Variants in COL6A5 observed in about 807,000 individuals in gnomAD.
The protein encoded by COL6A5 is collagen type VI alpha 5 chain, also known as collagen alpha-5(VI) chain.
Under a neutral mutation model 65.6 loss-of-function variants are expected in COL6A5, and 48 were observed. That is an observed-to-expected ratio of 0.73 (90% CI 0.58 to 0.93). COL6A5 has a LOEUF of 0.93. Among genes scored for constraint, COL6A5 ranks in the 40% least tolerant of loss-of-function variants. The pLI is 0.00. For missense variants in COL6A5, 914 were observed against 928.3 expected, an observed-to-expected ratio of 0.98 and a Z score of 0.20; for synonymous variants, 291 against 322.8, an observed-to-expected ratio of 0.90 and a Z score of 1.05.
At chr3:130,407,194 G>A (rs560922584) in intron 17 of COL6A5, among the ~76,000 whole-genome samples, 1 of 152,244 alleles carries the variant, frequency 6.6e-6, no homozygotes, top group Admixed American at 6.5e-5. Flanking sequence ...AGTAGCATAA[G>A]CAAAAACATG....
chr3:130,467,227 A>G (rs1246863090), intron 5 of COL6A5, among the ~76,000 whole-genome samples: 2 of 151,968 alleles, frequency 1.3e-5, no homozygotes, highest in Non-Finnish European at 1.5e-5. Context: ...TGCGAATAAC[A>G]TGGTGGTTAA....
chr3:130,396,064 G>A (rs9859068), intron 8 of COL6A5, among the ~76,000 whole-genome samples: 2 of 152,042 alleles, frequency 1.3e-5, no homozygotes, highest in Non-Finnish European at 2.9e-5. Context: ...TGAGTCAAGT[G>A]AGCAGAGTAT....
chr3:130,362,361 T>C (rs1935173390), intron 1 of COL6A5, among the ~76,000 whole-genome samples: 1 of 145,092 alleles, frequency 6.9e-6, no homozygotes. Flanking sequence ...TGTGGATGTC[T>C]GGTTGTTTCA....
chr3:130,455,834 G>A (rs369773362), intron 5 of COL6A5, among the ~76,000 whole-genome samples, 168 bp downstream of exon 37: 1 of 152,102 alleles, frequency 6.6e-6, no homozygotes, highest in East Asian at 1.9e-4. Flanking sequence ...GAAGTGAATG[G>A]TGACAGGCAC....
At chr3:130,474,341 T>C (rs1710035001) in intron 7 of COL6A5, among the ~76,000 whole-genome samples, 1 of 152,068 alleles carries the variant, frequency 6.6e-6, no homozygotes, top group African/African-American at 2.4e-5. Context: ...AAAAATATTC[T>C]ACAGAGAATC....
intron 1 of COL6A5, among the ~76,000 whole-genome samples, chr3:130,346,348 A>C (rs545403411): frequency 1.3e-5 from 2 of 152,224 alleles, no homozygotes; most frequent in African/African-American, 4.8e-5. Flanking sequence ...GATGCAGCTA[A>C]AGTTTGAGAA....
At chr3:130,409,379 AG>A (rs1559886356) in exon 18 of COL6A5, 1 of 1,549,140 alleles carries the variant, frequency 6.5e-7, no homozygotes, top group East Asian at 2.4e-5. Context: ...AGGGCTTCCC[AG>A]GGGATCCGGT....
chr3:130,351,840 A>G (rs1251595593), intron 1 of COL6A5, among the ~76,000 whole-genome samples: 1 of 152,212 alleles, frequency 6.6e-6, no homozygotes, highest in Non-Finnish European at 1.5e-5. Flanking sequence ...TCATTCTACT[A>G]TAAAGACACA....
chr3:130,442,811 T>C (rs1270502740), intron 3 of COL6A5, among the ~76,000 whole-genome samples: 1 of 152,168 alleles, frequency 6.6e-6, no homozygotes, highest in Non-Finnish European at 1.5e-5. Flanking sequence ...TATTTGAAAA[T>C]GTGATTATTA....
At chr3:130,440,730 C>A in exon 3 of COL6A5, 1 of 1,613,296 alleles carries the variant, frequency 6.2e-7, no homozygotes, top group South Asian at 1.1e-5. Context: ...GCCAGCTACC[C>A]ACTTGATCAA....
At chr3:130,460,582 C>T (rs149046648) in intron 5 of COL6A5, among the ~76,000 whole-genome samples, 10 of 152,132 alleles carry the variant, frequency 6.6e-5, no homozygotes, top group African/African-American at 2.4e-5. Context: ...TGGAATAAAA[C>T]GTGGATACTT....
rs183378040 is a variant in COL6A5 at position 130,464,534 on chromosome 3, G to T, written c.1545-4261G>T. Among the ~76,000 whole-genome samples the T allele has an allele frequency of 1.5e-3, 230 of 152,110 alleles. 2 individuals are homozygous for T. Among genetic ancestry groups the T allele is most frequent in the African/African-American group, 5.5e-3 (227 of 41,514 alleles). On this transcript the variant is annotated intron_variant, in intron 5 of 7. Coordinates refer to ENST00000512836, the Ensembl canonical transcript of COL6A5. ...AGATCATGGTAACATCTCAGGTAATGGTTAGTCAACTTCAAAACTCCAAAA... is the reference window on the plus strand; with the variant it reads ...AGATCATGGTAACATCTCAGGTAATTGTTAGTCAACTTCAAAACTCCAAAA...
At position 130,377,210 on chromosome 3, in the gene COL6A5, C is replaced by T. The variant is rs574272071; in HGVS notation, c.667+374C>T. On this transcript the variant is annotated intron_variant and NMD_transcript_variant, in intron 3 of 41. Coordinates refer to the COL6A5 transcript ENST00000312481. ...TTCTGTGTTTGTCCTCCTTCCCTTC[C>T]CCACCATCACGAAGCAAGAAACAGG... Among the ~76,000 whole-genome samples, 4 of 152,256 alleles carry T rather than the reference C, an allele frequency of 2.6e-5. No homozygotes were observed. The East Asian group carries it at 7.8e-4, about 30-fold the overall frequency.
chr3:130,375,135 C>T (rs546502979), intron 2 of COL6A5, among the ~76,000 whole-genome samples: 36 of 152,158 alleles, frequency 2.4e-4, no homozygotes, highest in Non-Finnish European at 1.5e-5. Flanking sequence ...CCAGACTCTT[C>T]TTATCTGGCT....
intron 1 of COL6A5, among the ~76,000 whole-genome samples, chr3:130,434,953 A>G (rs1162118386): frequency 1.3e-5 from 2 of 151,962 alleles, no homozygotes; most frequent in Non-Finnish European, 2.9e-5. Context: ...ATTAGATTCC[A>G]TTTGTCAATT....
At chr3:130,373,840 A>G (rs1935655933) in intron 2 of COL6A5, 135 bp downstream of exon 2, 1 of 625,078 alleles carries the variant, frequency 1.6e-6, no homozygotes, top group Non-Finnish European at 2.8e-6. Context: ...TACAACATCA[A>G]ACAAACTTAA....
intron 7 of COL6A5, among the ~76,000 whole-genome samples, chr3:130,479,197 T>C (rs1279821701): frequency 6.6e-6 from 1 of 151,968 alleles, no homozygotes; most frequent in Non-Finnish European, 1.5e-5. Context: ...GGGACTCCTC[T>C]TCCCTTCCAC....
In COL6A5 at chr3:130,361,644, T is replaced by G. The variant is rs76452945; in HGVS notation, c.-28-11967T>G. On this transcript the variant is annotated intron_variant and NMD_transcript_variant, in intron 1 of 41. Coordinates refer to the COL6A5 transcript ENST00000312481. ...GAATATGTTTAGTTTTGTAAGAAAC[T>G]ATTGAATTGTCTTCCAAAGTGGCTG... Among the ~76,000 whole-genome samples, 1,268 of 152,210 alleles carry G rather than the reference T, an allele frequency of 8.3e-3. 17 individuals carry two copies. The highest frequency in any genetic ancestry group is 0.029 in the African/African-American group (1,211 of 41,562).
At chr3:130,433,101 T>G (rs2107695783) in intron 1 of COL6A5, among the ~76,000 whole-genome samples, 1 of 152,312 alleles carries the variant, frequency 6.6e-6, no homozygotes, top group South Asian at 2.1e-4. Flanking sequence ...AATCTGTTCC[T>G]AACACATCCA....
Sources: gnomAD v4.1 joint callset for allele counts (sites outside exome capture counted in the v4.1 genomes callset) on GRCh38, gnomAD v4.1.1 for gene constraint, MANE v1.5 for transcripts, NCBI Gene and HGNC (gene_info 2026-07-23, HGNC 2026-07-21) for gene names.